CFAP20DC: variants seen among roughly 807,000 people sequenced by gnomAD.
CFAP20DC encodes the protein protein CFAP20DC.
CFAP20DC carries 84 observed loss-of-function variants against 101.7 expected under a neutral mutation model. That is an observed-to-expected ratio of 0.83 (90% confidence interval 0.69 to 0.99). The LOEUF (loss-of-function observed/expected upper bound fraction) is 0.99. Among genes scored for constraint, CFAP20DC ranks in the 50% least tolerant of loss-of-function variants. CFAP20DC has a pLI of 0.00. For synonymous variants in CFAP20DC, 359 were observed against 351.2 expected (o/e 1.02, Z -0.25); for missense variants, 1,007 against 970.3 (o/e 1.04, Z -0.50).
chr3:58,851,421 A>G (rs72881631), intron 12 of CFAP20DC, among the ~76,000 whole-genome samples: 9,541 of 152,190 alleles, frequency 0.063, 569 homozygotes, highest in African/African-American at 0.16. Context: ...GGCAGAGTAT[A>G]TCATACTGAG....
intron 14 of CFAP20DC, among the ~76,000 whole-genome samples, chr3:58,811,221 A>T (rs1215924627): frequency 6.6e-6 from 1 of 152,130 alleles, no homozygotes; most frequent in Non-Finnish European, 1.5e-5. Flanking sequence ...GTTCATACGG[A>T]ACCAAAAAAG....
chr3:58,976,325 T>C (rs1213646953), intron 4 of CFAP20DC, among the ~76,000 whole-genome samples: 1 of 152,196 alleles, frequency 6.6e-6, no homozygotes, highest in Non-Finnish European at 1.5e-5. Context: ...CAAGGAATAC[T>C]GGATGGCTAA....
intron 15 of CFAP20DC, among the ~76,000 whole-genome samples, chr3:58,759,017 T>C (rs923594660): frequency 3.3e-5 from 5 of 152,252 alleles, no homozygotes; most frequent in African/African-American, 9.6e-5. Flanking sequence ...TGTGTCTTTA[T>C]AGCAGCATAA....
intron 7 of CFAP20DC, among the ~76,000 whole-genome samples, chr3:58,879,735 T>C (rs2081073790): frequency 6.6e-6 from 1 of 152,040 alleles, no homozygotes; most frequent in Admixed American, 6.5e-5. Flanking sequence ...AGAAAGAGTG[T>C]CTTGGGGGTT....
At chr3:58,981,426 C>T (rs373400631) in intron 4 of CFAP20DC, among the ~76,000 whole-genome samples, 11,990 of 151,690 alleles carry the variant, frequency 0.079, 534 homozygotes, top group Non-Finnish European at 0.11. Context: ...AGAACAAAGC[C>T]GGAGGCATCA....
At chr3:58,786,760 A>G (rs906126785) in intron 15 of CFAP20DC, among the ~76,000 whole-genome samples, 1 of 141,696 alleles carries the variant, frequency 7.1e-6, no homozygotes, top group Non-Finnish European at 1.5e-5. Context: ...AAACCGCAAA[A>G]GTTCCCGACT....
chr3:58,849,652 C>T (rs1229711676), intron 12 of CFAP20DC, among the ~76,000 whole-genome samples: 1 of 152,116 alleles, frequency 6.6e-6, no homozygotes, highest in Admixed American at 6.5e-5. Flanking sequence ...ATATTTTTTA[C>T]TCATGAAAAA....
At chr3:58,738,615 G>A (rs1175598331), downstream of CFAP20DC, among the ~76,000 whole-genome samples, 1 of 152,150 alleles carries the variant, frequency 6.6e-6, no homozygotes, top group African/African-American at 2.4e-5. The surrounding 1 kb of genome is among the most constrained non-coding windows in gnomAD (Gnocchi z 4.4). Flanking sequence ...TTGATTCCAT[G>A]TCTTTGCTAT....
chr3:59,005,897 A>C (rs2093422657), intron 4 of CFAP20DC, among the ~76,000 whole-genome samples: 2 of 152,202 alleles, frequency 1.3e-5, no homozygotes, highest in Admixed American at 6.5e-5. Context: ...TCCTAGATAC[A>C]TAGAATTAGA....
chr3:58,889,807 G>A (rs1415107099), intron 6 of CFAP20DC, among the ~76,000 whole-genome samples: 20 of 132,634 alleles, frequency 1.5e-4, no homozygotes, highest in African/African-American at 4.6e-4. Flanking sequence ...ATCTTGCACC[G>A]CCCTTAATCC....
At position 58,863,168 on chromosome 3, in the gene CFAP20DC, T is replaced by C. The variant is rs2079393549; in HGVS notation, c.1593+390A>G. 2.7e-6 allele frequency: 3 copies of C among 1,100,532 alleles called. No individual in the cohort carries two copies. Among genetic ancestry groups the C allele is most frequent in the South Asian group, 3.9e-5 (1 of 25,894 alleles). The allele number at this position is 1,100,532 out of a possible 1,614,324, so 68.2% of individuals were successfully genotyped here. On this transcript the variant is annotated intron_variant, in intron 12 of 16. Transcript: ENST00000482387. The surrounding 1 kb of genome is among the most constrained non-coding windows in gnomAD (Gnocchi z 5.9). ...GGGGAGTAAGGAAGCCAGAAAACCATCAATTTAGAATGCTTAGCAACTGCA... is the reference window on the plus strand; with the variant it reads ...GGGGAGTAAGGAAGCCAGAAAACCACCAATTTAGAATGCTTAGCAACTGCA...
At chr3:58,904,151 C>G (rs977489517) in intron 6 of CFAP20DC, among the ~76,000 whole-genome samples, 2 of 152,056 alleles carry the variant, frequency 1.3e-5, no homozygotes, top group Non-Finnish European at 2.9e-5. Flanking sequence ...TCTTTAATTT[C>G]TTGCAGGAAC....
chr3:58,856,255 T>G (rs2078801280), intron 12 of CFAP20DC, among the ~76,000 whole-genome samples: 1 of 136,646 alleles, frequency 7.3e-6, no homozygotes, highest in Non-Finnish European at 1.6e-5. Flanking sequence ...CTACACTAGC[T>G]TCATCTTCTG....
Position 58,997,056 on chromosome 3 carries a change from C to A in CFAP20DC, c.278+42501G>T, listed in dbSNP as rs537913445. Among the ~76,000 whole-genome samples the A allele has an allele frequency of 3.7e-4, 56 of 152,328 alleles. 1 individual carries two copies. The highest frequency in any genetic ancestry group is 1.3e-3 in the African/African-American group (54 of 41,562). On this transcript the variant is annotated intron_variant, in intron 4 of 16. Transcript: ENST00000482387. ...GTTTCCCCTTTTCACCCAAAAAACT[C>A]CTGCTTTACTCACCCTTCAAACTTT...
At position 58,923,255 on chromosome 3, in the gene CFAP20DC, G is replaced by A. The variant is rs548279474; in HGVS notation, c.394-9391C>T. 5.3e-4 allele frequency among the ~76,000 whole-genome samples: 81 copies of A among 152,190 alleles called. 1 individual carries two copies. The highest frequency in any genetic ancestry group is 1.9e-3 in the African/African-American group (79 of 41,546). ...TTTAAACAATCAAATACTTTTAAAC[G>A]AATTGTAATAATGAATGATTTCTTT... On this transcript the variant is annotated intron_variant, in intron 5 of 16. Transcript: ENST00000482387.
rs2073492258 is a variant in CFAP20DC at position 58,799,324 on chromosome 3, A to G, written c.2237+7071T>C. ...GAAAACTGTCTCTATTTAAAGGTGT[A>G]AAATGATATCAGATACTTTATATTC... On this transcript the variant is annotated intron_variant, in intron 15 of 16. Transcript: ENST00000482387. The surrounding 1 kb of genome is among the most constrained non-coding windows in gnomAD (Gnocchi z 4.9). Among the ~76,000 whole-genome samples the G allele has an allele frequency of 6.6e-6, 1 of 152,240 alleles. No individual in the cohort carries two copies. Among genetic ancestry groups the G allele is most frequent in the African/African-American group, 2.4e-5 (1 of 41,462 alleles).
At chr3:58,950,945 A>G (rs984743290) in intron 4 of CFAP20DC, among the ~76,000 whole-genome samples, 2 of 152,206 alleles carry the variant, frequency 1.3e-5, no homozygotes, top group African/African-American at 2.4e-5. Context: ...CTGCACAGCA[A>G]AAGAAACTAC....
At chr3:59,042,461 G>T (rs1485529573) in intron 3 of CFAP20DC, among the ~76,000 whole-genome samples, 2 of 151,842 alleles carry the variant, frequency 1.3e-5, no homozygotes, top group African/African-American at 4.8e-5. Context: ...TAGGTAGAGG[G>T]TACAGTCTGT....
chr3:58,854,364 T>C (rs1258847267), intron 12 of CFAP20DC, among the ~76,000 whole-genome samples: 2 of 151,140 alleles, frequency 1.3e-5, no homozygotes, highest in African/African-American at 2.4e-5. Context: ...GAACATTCCA[T>C]GCTCATGGGT....
Sources: allele counts gnomAD v4.1 joint callset (sites outside exome capture counted in the v4.1 genomes callset), GRCh38; gene constraint gnomAD v4.1.1; non-coding constraint Gnocchi (gnomAD v3.1); transcripts MANE v1.5; gene names NCBI Gene and HGNC (gene_info 2026-07-23, HGNC 2026-07-21).